Variants in SLC1A3 observed in about 807,000 individuals in gnomAD.
The protein encoded by SLC1A3 is solute carrier family 1 member 3.
Under a neutral mutation model 48.1 loss-of-function variants are expected in SLC1A3, and 21 were observed. That is an observed-to-expected ratio of 0.44 (90% confidence interval 0.31 to 0.63). SLC1A3 has a LOEUF of 0.63. Ranked by LOEUF, SLC1A3 falls within the 20% of genes least tolerant of loss-of-function variation. The pLI, the probability that SLC1A3 is intolerant of heterozygous loss-of-function variation, is 0.08. For synonymous variants in SLC1A3, 239 were observed against 251.4 expected (o/e 0.95, Z 0.47); for missense variants, 546 against 689.0 (o/e 0.79, Z 2.32).
intron 3 of SLC1A3, among the ~76,000 whole-genome samples, chr5:36,630,816 A>C (rs180956401): frequency 6.6e-6 from 1 of 152,188 alleles, no homozygotes; most frequent in Non-Finnish European, 1.5e-5. Flanking sequence ...AAGTGATTGC[A>C]TGTACATATG....
At chr5:36,640,727 A>G (rs1740581491) in intron 3 of SLC1A3, among the ~76,000 whole-genome samples, 1 of 152,136 alleles carries the variant, frequency 6.6e-6, no homozygotes, top group African/African-American at 2.4e-5. Context: ...AATGACCTCC[A>G]TATTACCAAG....
At chr5:36,629,259 G>A (rs201272356) in intron 2 of SLC1A3, among the ~76,000 whole-genome samples, 191 bp from the exon 3 acceptor site, 10 of 151,956 alleles carry the variant, frequency 6.6e-5, no homozygotes, top group Admixed American at 3.9e-4. Flanking sequence ...ATTGAACCAC[G>A]GATTCAGCCA....
At chr5:36,666,202 T>G (rs1580014847) in intron 3 of SLC1A3, 1 of 152,196 alleles carries the variant, frequency 6.6e-6, no homozygotes, top group African/African-American at 2.4e-5. Context: ...TCTGTAATTA[T>G]GAAGTATATT....
intron 2 of SLC1A3, among the ~76,000 whole-genome samples, chr5:36,623,064 A>G (rs573482594): frequency 6.6e-6 from 1 of 152,106 alleles, no homozygotes; most frequent in Admixed American, 6.5e-5. Context: ...AAAACAAGGA[A>G]CCTCTGAAGG....
intron 3 of SLC1A3, 113 bp from the exon 4 acceptor site, chr5:36,670,916 A>T: frequency 1.1e-6 from 1 of 930,838 alleles, no homozygotes; most frequent in Non-Finnish European, 1.7e-6. Context: ...ACGAAATCCC[A>T]TGGCTGGGTG....
chr5:36,658,959 C>T (rs1741395964), intron 3 of SLC1A3, among the ~76,000 whole-genome samples: 1 of 151,760 alleles, frequency 6.6e-6, no homozygotes, highest in Non-Finnish European at 1.5e-5. Flanking sequence ...TAGCCACTCA[C>T]CATGACTGTG....
chr5:36,625,426 C>T (rs1190999338), intron 2 of SLC1A3, among the ~76,000 whole-genome samples: 3 of 152,122 alleles, frequency 2.0e-5, no homozygotes, highest in Admixed American at 6.5e-5. Context: ...CACTGCACTC[C>T]AGCTTGGGTG....
chr5:36,667,508 G>A (rs560101108), intron 3 of SLC1A3, among the ~76,000 whole-genome samples: 6 of 152,330 alleles, frequency 3.9e-5, no homozygotes, highest in Admixed American at 1.3e-4. Flanking sequence ...TCTTGGAAAT[G>A]TGGGTTCAAA....
intron 1 of SLC1A3, among the ~76,000 whole-genome samples, chr5:36,599,049 CTAATGTATACA>C (rs1318457779): frequency 6.6e-6 from 1 of 152,130 alleles, no homozygotes; most frequent in Non-Finnish European, 1.5e-5. Context: ...TTTTCAAAAT[CTAATGTATACA>C]TAACACATAA....
chr5:36,676,988 G>C lies in SLC1A3; in HGVS notation c.664G>C (p.Glu222Gln), dbSNP rs1382977672. Residue 222 changes from glutamate to glutamine, a missense_variant, in exon 6 of 10, where the codon GAG becomes CAG. This residue lies in a region of SLC1A3 where 348 missense variants were observed against 392.0 expected (regional missense o/e 0.89). Coordinates refer to ENST00000265113, the MANE Select transcript of SLC1A3 (RefSeq NM_004172.5). ...AVINNVSEAM[E>Q]TLTRITEELV... Reference sequence around the variant, plus strand: ...GATAAACAATGTGTCTGAGGCCATGGAGACTCTTACCCGAATCACAGAGGA... The same window carrying C: ...GATAAACAATGTGTCTGAGGCCATGCAGACTCTTACCCGAATCACAGAGGA... 1.2e-6 allele frequency: 2 copies of C among 1,614,100 alleles called. No individual in the cohort carries two copies. Among genetic ancestry groups the C allele is most frequent in the East Asian group, 2.2e-5 (1 of 44,882 alleles).
At chr5:36,679,408 T>C (rs984774773) in intron 6 of SLC1A3, among the ~76,000 whole-genome samples, 7 of 152,160 alleles carry the variant, frequency 4.6e-5, no homozygotes, top group Non-Finnish European at 7.4e-5. Flanking sequence ...AGCCCGATTC[T>C]GCAAGAATCA....
chr5:36,605,020 A>T (rs756791476), upstream of SLC1A3, among the ~76,000 whole-genome samples: 3 of 152,106 alleles, frequency 2.0e-5, no homozygotes, highest in Non-Finnish European at 2.9e-5. Context: ...CCATGCACCT[A>T]AACCAGAGGC....
chr5:36,685,743 A>G (rs983613838), intron 9 of SLC1A3, among the ~76,000 whole-genome samples: 10 of 152,236 alleles, frequency 6.6e-5, no homozygotes, highest in Non-Finnish European at 1.5e-4. Context: ...ACTCCACTAT[A>G]CATTCATGAG....
At chr5:36,674,503 GT>G (rs11361098) in intron 5 of SLC1A3, among the ~76,000 whole-genome samples, 85,767 of 147,380 alleles carry the variant, frequency 0.58, 25,774 homozygotes, top group African/African-American at 0.77. Context: ...TCAATGGACT[GT>G]TTTTTTTTTT....
intron 6 of SLC1A3, 117 bp downstream of exon 6, chr5:36,677,301 T>C (rs1433226646): frequency 2.4e-6 from 2 of 829,668 alleles, no homozygotes; most frequent in Non-Finnish European, 3.9e-6. Context: ...TATCTCACTC[T>C]GGTAAGCCCA....
chr5:36,671,803 A>T (rs1742007320), intron 4 of SLC1A3, among the ~76,000 whole-genome samples: 2 of 152,244 alleles, frequency 1.3e-5, no homozygotes, highest in South Asian at 4.1e-4. Flanking sequence ...ATTGTTTTAC[A>T]TACAAACCAT....
chr5:36,641,224 A>G (rs1354918343), intron 3 of SLC1A3, among the ~76,000 whole-genome samples: 15 of 152,224 alleles, frequency 9.9e-5, no homozygotes, highest in Admixed American at 9.2e-4. Flanking sequence ...ATGTGCATGT[A>G]TGGGCACACA....
intron 5 of SLC1A3, among the ~76,000 whole-genome samples, chr5:36,674,661 T>G (rs1742134612): frequency 6.6e-6 from 1 of 152,214 alleles, no homozygotes; most frequent in Non-Finnish European, 1.5e-5. Flanking sequence ...TGTCTTCATT[T>G]CACTGATGGG....
intron 2 of SLC1A3, among the ~76,000 whole-genome samples, chr5:36,609,481 C>G (rs1177152669): frequency 6.6e-6 from 1 of 152,134 alleles, no homozygotes; most frequent in African/African-American, 2.4e-5. Flanking sequence ...AAAAAAGAGG[C>G]ATTCAGTACC....
Sources: gnomAD v4.1 joint callset for allele counts (sites outside exome capture counted in the v4.1 genomes callset) on GRCh38, gnomAD v4.1.1 for gene constraint, gnomAD v4.1.1 regional missense constraint, MANE v1.5 for transcripts, NCBI Gene and HGNC (gene_info 2026-07-23, HGNC 2026-07-21) for gene names.